Variants in RAP1GAP observed in about 807,000 individuals in gnomAD.
RAP1GAP encodes the protein rap1 GTPase-activating protein 1.
RAP1GAP carries 35 observed loss-of-function variants against 87.2 expected under a neutral mutation model. The ratio of observed to expected loss-of-function variants is 0.40; its 90% confidence interval spans 0.31 to 0.53. The LOEUF (loss-of-function observed/expected upper bound fraction) is 0.53. RAP1GAP is among the 20% of genes least tolerant of loss of function. RAP1GAP has a pLI of 0.48. For synonymous variants in RAP1GAP, 375 were observed against 363.9 expected, an observed-to-expected ratio of 1.03 and a Z score of -0.35; for missense variants, 734 against 898.9, an observed-to-expected ratio of 0.82 and a Z score of 2.35.
intron 3 of RAP1GAP, among the ~76,000 whole-genome samples, chr1:21,625,237 C>G (rs2091437920): frequency 6.6e-6 from 1 of 152,228 alleles, no homozygotes; most frequent in Non-Finnish European, 1.5e-5. Context: ...CAGGCCAGAG[C>G]TCTCAGGGAG....
chr1:21,608,454 A>G (rs1348148048), intron 16 of RAP1GAP, 104 bp from the exon 17 acceptor site: 1 of 1,457,212 alleles, frequency 6.9e-7, no homozygotes, highest in Non-Finnish European at 9.2e-7. Flanking sequence ...CCTTCTCTGA[A>G]TGAGTGGGGA....
intron 1 of RAP1GAP, among the ~76,000 whole-genome samples, chr1:21,650,559 A>T (rs1571334015): frequency 6.6e-6 from 1 of 152,226 alleles, no homozygotes; most frequent in East Asian, 1.9e-4. Flanking sequence ...TAAGAAGGGG[A>T]TGAGGAGGGA....
At chr1:21,658,536 C>G (rs969115031) in intron 1 of RAP1GAP, among the ~76,000 whole-genome samples, 3 of 151,822 alleles carry the variant, frequency 2.0e-5, no homozygotes, top group Admixed American at 6.6e-5. Flanking sequence ...GCACTACACT[C>G]TAGCCTGGAG....
chr1:21,649,500 G>A (rs1462999916), intron 2 of RAP1GAP, among the ~76,000 whole-genome samples: 1 of 152,172 alleles, frequency 6.6e-6, no homozygotes, highest in Non-Finnish European at 1.5e-5. Flanking sequence ...AGAAAATTGA[G>A]GTTCAGAGAC....
intron 1 of RAP1GAP, among the ~76,000 whole-genome samples, chr1:21,664,347 C>A (rs186610836): frequency 1.3e-5 from 2 of 152,312 alleles, no homozygotes; most frequent in African/African-American, 4.8e-5. Context: ...TCATTCCAGG[C>A]TAGTGGGCTC....
Position 21,601,690 on chromosome 1 carries a change from T to C in RAP1GAP, c.1646A>G (p.Lys549Arg). 2 of 1,605,132 alleles carry C rather than the reference T, an allele frequency of 1.2e-6. No individual in the cohort carries two copies. The highest frequency in any genetic ancestry group is 1.7e-6 in the Non-Finnish European group (2 of 1,174,330). ...ACGTGCCCTGAGCCCCAACCTGTTC[T>C]TGGTCGTGGGCATCTCTGGGGAGCT... ...TQSSPEMPTT[K>R]NRAETAAQRA... Residue 549 changes from lysine (K) to arginine (R), a missense_variant, in exon 20 of 25, where the codon AAG (lysine) becomes AGG (arginine). Transcript: ENST00000374765.
At chr1:21,648,810 G>A (rs2096309900) in intron 2 of RAP1GAP, among the ~76,000 whole-genome samples, 1 of 152,178 alleles carries the variant, frequency 6.6e-6, no homozygotes, top group Admixed American at 6.5e-5. Flanking sequence ...AGGTTGCATG[G>A]AGAGCATCAA....
chr1:21,612,418 A>T (rs1369165890), intron 10 of RAP1GAP, among the ~76,000 whole-genome samples: 2 of 152,010 alleles, frequency 1.3e-5, no homozygotes, highest in Non-Finnish European at 2.9e-5. Context: ...CTGCCATGCC[A>T]AGCCCACCCC....
In RAP1GAP at chr1:21,669,273, G is replaced by A. The variant is rs528203853; in HGVS notation, c.-168C>T. The A allele has an allele frequency of 9.0e-6, 11 of 1,216,558 alleles. No individual in the cohort carries two copies. Among genetic ancestry groups the A allele is most frequent in the Non-Finnish European group, 1.1e-5 (11 of 960,356 alleles). The allele number at this position is 1,216,558 out of a possible 1,614,324, so 75.4% of individuals were successfully genotyped here. A position where few individuals can be genotyped will look rare whatever the true frequency, so the allele number is the denominator to read the frequency against. ...ACTCACCCAAGGGCCTGGGCCGGGGGCGTCCTGGGCTCGGCACTCTGGTGC... is the reference window on the plus strand; with the variant it reads ...ACTCACCCAAGGGCCTGGGCCGGGGACGTCCTGGGCTCGGCACTCTGGTGC... On this transcript the variant is annotated 5_prime_UTR_variant, in exon 1 of 25. Coordinates refer to ENST00000374765, the MANE Select transcript of RAP1GAP (RefSeq NM_002885.4). The surrounding 1 kb of genome is among the most constrained non-coding windows in gnomAD (Gnocchi z 5.6).
intron 2 of RAP1GAP, among the ~76,000 whole-genome samples, chr1:21,639,097 C>T (rs992997361): frequency 2.6e-5 from 4 of 152,246 alleles, no homozygotes; most frequent in South Asian, 2.1e-4. Context: ...CCAGGCCAGC[C>T]GGGTTAGCAT....
rs11807265 is a variant in RAP1GAP, at chr1:21,631,611, A to G, written c.-112-5214T>C. On this transcript the variant is annotated intron_variant, in intron 2 of 24. Transcript: ENST00000374765. ...TGAGGCAGGAGAATCGCTTGAACCC[A>G]GGAGGCGGAGGTTGCAGTGAGCCGA... Among the ~76,000 whole-genome samples the G allele has an allele frequency of 1.9e-3, 296 of 152,266 alleles. 2 individuals are homozygous for G. Among genetic ancestry groups the G allele is most frequent in the African/African-American group, 6.9e-3 (288 of 41,556 alleles).
chr1:21,643,037 C>A (rs1558840555), intron 2 of RAP1GAP, among the ~76,000 whole-genome samples: 1 of 152,136 alleles, frequency 6.6e-6, no homozygotes, highest in African/African-American at 2.4e-5. Flanking sequence ...CTAGTCAGCA[C>A]ATGTCATTCC....
intron 1 of RAP1GAP, among the ~76,000 whole-genome samples, chr1:21,665,628 T>G (rs936920241): frequency 2.6e-5 from 4 of 152,224 alleles, no homozygotes; most frequent in Non-Finnish European, 5.9e-5. Flanking sequence ...TCTTTTCCCT[T>G]CTTCCTCTCT....
chr1:21,608,748 G>C, intron 16 of RAP1GAP, 102 bp downstream of exon 16: 1 of 1,225,168 alleles, frequency 8.2e-7, no homozygotes, highest in East Asian at 2.3e-5. Context: ...TCCCCGCTAA[G>C]GCCAAGGTCT....
In RAP1GAP at chr1:21,611,752, A is replaced by AT; in HGVS notation, c.676_677insA (p.Phe226TyrfsTer12). The AT allele has an allele frequency of 6.2e-7, 1 of 1,614,052 alleles. No homozygotes were observed. Among genetic ancestry groups the AT allele is most frequent in the Non-Finnish European group, 8.5e-7 (1 of 1,179,870 alleles). ...CTGCAGTTTGACCTTCTGGCCAAGA[A>AT]ATTCAAGGAACTCCACGAAAGCGGG... On this transcript the variant is annotated frameshift_variant, in exon 12 of 25. Transcript: ENST00000374765. LOFTEE classifies it high-confidence loss of function.
Position 21,663,370 on chromosome 1 carries a change from C to A in RAP1GAP, c.-149+5884G>T, listed in dbSNP as rs550986945. On this transcript the variant is annotated intron_variant, in intron 1 of 24. Transcript: ENST00000374765. Reference sequence around the variant, plus strand: ...CACAGTGCCTACAGCAGTCTGCCAGCGGGTGGATGGCCTCTCTCTGGACCT... The same window carrying A: ...CACAGTGCCTACAGCAGTCTGCCAGAGGGTGGATGGCCTCTCTCTGGACCT... 3.3e-5 allele frequency among the ~76,000 whole-genome samples: 5 copies of A among 152,308 alleles called. No individual in the cohort carries two copies. The South Asian group carries it at 1.0e-3, about 32-fold the overall frequency.
At chr1:21,641,293 CAGG>C (rs2095502066) in intron 2 of RAP1GAP, among the ~76,000 whole-genome samples, 1 of 152,114 alleles carries the variant, frequency 6.6e-6, no homozygotes, top group South Asian at 2.1e-4. Context: ...CACCTGTTGC[CAGG>C]AGATGATCTG....
At position 21,660,339 on chromosome 1, in the gene RAP1GAP, C is replaced by CCA. The variant is rs1553503814; in HGVS notation, c.-149+8914_-149+8915insTG. 3.3e-3 allele frequency among the ~76,000 whole-genome samples: 173 copies of CCA among 52,612 alleles called. 8 individuals are homozygous for CCA. Among genetic ancestry groups the CCA allele is most frequent in the Non-Finnish European group, 3.7e-3 (88 of 23,746 alleles). 34.5% of individuals were successfully genotyped at this position (52,612 alleles called of 152,430 possible). Reference sequence around the variant, plus strand: ...CTGGACAGAGTGGGTTCCAACTCAGCTATATATATTTATTGAGACAGTCTC... The same window carrying CCA: ...CTGGACAGAGTGGGTTCCAACTCAGCCATATATATATTTATTGAGACAGTCTC... On this transcript the variant is annotated intron_variant, in intron 1 of 24. Transcript: ENST00000374765.
At chr1:21,638,983 C>T (rs1184566429) in intron 2 of RAP1GAP, among the ~76,000 whole-genome samples, 1 of 152,228 alleles carries the variant, frequency 6.6e-6, no homozygotes, top group Non-Finnish European at 1.5e-5. Flanking sequence ...AGGCATTAGA[C>T]AACCTGCTCC....
Sources: allele counts gnomAD v4.1 joint callset (sites outside exome capture counted in the v4.1 genomes callset), GRCh38; gene constraint gnomAD v4.1.1; non-coding constraint Gnocchi (gnomAD v3.1); transcripts MANE v1.5; gene names NCBI Gene and HGNC (gene_info 2026-07-23, HGNC 2026-07-21).